Variants in RUNX1T1 observed in about 807,000 individuals in gnomAD.
RUNX1T1 encodes protein CBFA2T1.
In RUNX1T1, 4 loss-of-function variants were observed where a neutral mutation model predicts 62.8. The observed-to-expected ratio is 0.06, with a 90% confidence interval of 0.03 to 0.15. RUNX1T1 has a LOEUF of 0.15. Among genes scored for constraint, RUNX1T1 ranks in the 10% least tolerant of loss-of-function variants. The pLI is 1.00. For synonymous variants in RUNX1T1, 291 were observed against 286.0 expected (o/e 1.02, Z -0.18); for missense variants, 508 against 754.3 (o/e 0.67, Z 3.82).
intron 8 of RUNX1T1, chr8:91,979,995 GAA>G (rs1336793034): frequency 3.2e-6 from 1 of 308,038 alleles, no homozygotes; most frequent in African/African-American, 2.2e-5. Context: ...TCAAAAGAAA[GAA>G]AGAGTTAAGT....
intron 9 of RUNX1T1, 117 bp from the exon 11 acceptor site, chr8:91,970,965 C>G: frequency 1.2e-6 from 1 of 807,940 alleles, no homozygotes; most frequent in East Asian, 3.0e-5. Flanking sequence ...GTCTCGAACC[C>G]CTGGGCTCAA....
intron 1 of RUNX1T1, among the ~76,000 whole-genome samples, chr8:92,086,862 A>G (rs1269638132): frequency 6.6e-6 from 1 of 152,144 alleles, no homozygotes; most frequent in African/African-American, 2.4e-5. Flanking sequence ...AACGCTGGTC[A>G]TCCTTCTGCA....
Position 91,992,722 on chromosome 8 carries a change from G to A in RUNX1T1, c.660-833C>T, listed in dbSNP as rs531323080. On this transcript the variant is annotated intron_variant, in intron 5 of 10. Coordinates refer to ENST00000396218, the Ensembl canonical transcript of RUNX1T1. ...TTAAAGTTGAGGAAACACATACCCA[G>A]AGAGCTAATGTATCCTGTCTGGGGT... 5.3e-5 allele frequency among the ~76,000 whole-genome samples: 8 copies of A among 152,290 alleles called. No homozygotes were observed. In the East Asian group the frequency reaches 1.5e-3, roughly 30 times the overall value.
Position 92,094,887 on chromosome 8 carries a change from T to C in RUNX1T1, c.-86+4693A>G, listed in dbSNP as rs55941566. On this transcript the variant is annotated intron_variant, in intron 1 of 11. Transcript: ENST00000265814. ...GAACTAATCAAGTTGTTAAGCAGCT[T>C]TGTCTCTCCCTTCTTCATCTAAAGG... 2,145 of 627,052 alleles carry C rather than the reference T, an allele frequency of 3.4e-3. 27 individuals are homozygous for C. The African/African-American group carries it at 0.035, about 10-fold the overall frequency. The allele number at this position is 627,052 out of a possible 1,614,324, so 38.8% of individuals were successfully genotyped here.
At chr8:92,026,941 C>A (rs574623733) in intron 1 of RUNX1T1, among the ~76,000 whole-genome samples, 4 of 151,184 alleles carry the variant, frequency 2.6e-5, no homozygotes, top group Admixed American at 2.0e-4. Flanking sequence ...CACGGTGAAA[C>A]CCTGTCTCTA....
downstream of RUNX1T1, chr8:91,956,086 G>A (rs1809334690): frequency 4.3e-6 from 1 of 230,270 alleles, no homozygotes; most frequent in Admixed American, 5.7e-5. Flanking sequence ...AACCTGACAA[G>A]AGTCAGAGCC....
intron 2 of RUNX1T1, 120 bp from the exon 4 acceptor site, chr8:92,014,940 A>G: frequency 9.5e-7 from 1 of 1,052,872 alleles, no homozygotes; most frequent in Non-Finnish European, 1.3e-6. Flanking sequence ...AAATGTTGGG[A>G]CTTTTTAAAA....
intron 10 of RUNX1T1, among the ~76,000 whole-genome samples, chr8:91,964,885 C>A (rs1811247753): frequency 6.6e-6 from 1 of 152,142 alleles, no homozygotes; most frequent in Non-Finnish European, 1.5e-5. Context: ...CATTTCATTT[C>A]CAACTTCATC....
chr8:92,017,343 T>C (rs781082851), exon 2 of RUNX1T1: 3 of 1,613,940 alleles, frequency 1.9e-6, no homozygotes, highest in Non-Finnish European at 2.5e-6. Flanking sequence ...TCTGGCATTG[T>C]GGAGTGCTTC....
chr8:91,960,311 T>C (rs771287431), exon 11 of RUNX1T1: 1 of 1,610,858 alleles, frequency 6.2e-7, no homozygotes, highest in Non-Finnish European at 8.5e-7. Context: ...CTGCTGGTGG[T>C]GTGTCCATCG....
At chr8:91,970,043 T>TGTGTG (rs11374252) in intron 10 of RUNX1T1, among the ~76,000 whole-genome samples, 7 of 142,716 alleles carry the variant, frequency 4.9e-5, no homozygotes, top group Non-Finnish European at 9.1e-5. Context: ...TGTGTGTGTG[T>TGTGTG]TGTGTGTGTG....
chr8:91,979,986 C>A, intron 8 of RUNX1T1: 1 of 326,112 alleles, frequency 3.1e-6, no homozygotes, highest in South Asian at 2.8e-5. Flanking sequence ...CAAAAACCAT[C>A]AAAAGAAAGA....
At chr8:92,063,129 C>A (rs947595917), upstream of RUNX1T1, among the ~76,000 whole-genome samples, 16 of 151,986 alleles carry the variant, frequency 1.1e-4, no homozygotes, top group Admixed American at 1.0e-3. Context: ...GAACTCAAAG[C>A]CTGTTTATTC....
chr8:92,034,779 C>CAA (rs1554630644), intron 1 of RUNX1T1, among the ~76,000 whole-genome samples: 1 of 126,032 alleles, frequency 7.9e-6, no homozygotes. Context: ...TATATATACA[C>CAA]ATATATATAT....
chr8:92,073,379 C>A (rs1833965503), intron 2 of RUNX1T1, among the ~76,000 whole-genome samples: 1 of 152,160 alleles, frequency 6.6e-6, no homozygotes, highest in South Asian at 2.1e-4. Flanking sequence ...TCCTGCCCCC[C>A]AGCCTCTGCC....
chr8:91,955,876 C>T (rs1809292240), downstream of RUNX1T1: 1 of 228,566 alleles, frequency 4.4e-6, no homozygotes, highest in Non-Finnish European at 8.7e-6. Context: ...AACTTTGTAA[C>T]TAGAGAATGA....
At chr8:92,070,577 G>A (rs937728401) in intron 2 of RUNX1T1, among the ~76,000 whole-genome samples, 5 of 150,580 alleles carry the variant, frequency 3.3e-5, no homozygotes, top group Non-Finnish European at 5.9e-5. Context: ...TTTTACTGGA[G>A]TGGTAAACAA....
intron 3 of RUNX1T1, among the ~76,000 whole-genome samples, chr8:92,012,918 T>C (rs1822253042): frequency 6.6e-6 from 1 of 152,200 alleles, no homozygotes; most frequent in African/African-American, 2.4e-5. Flanking sequence ...TCTAGGCTTT[T>C]AGATTTTAAA....
At chr8:92,013,327 G>A (rs1224056164) in intron 3 of RUNX1T1, among the ~76,000 whole-genome samples, 2 of 152,188 alleles carry the variant, frequency 1.3e-5, no homozygotes, top group Non-Finnish European at 2.9e-5. Context: ...AAACATGGAA[G>A]TCTTTTGTTC....
Sources: allele counts gnomAD v4.1 joint callset (sites outside exome capture counted in the v4.1 genomes callset), GRCh38; gene constraint gnomAD v4.1.1; transcripts MANE v1.5; gene names NCBI Gene and HGNC (gene_info 2026-07-23, HGNC 2026-07-21).